Variants in SPAG16 observed in about 807,000 individuals in gnomAD.
SPAG16 encodes the protein sperm-associated antigen 16 protein.
Under a neutral mutation model 80.4 loss-of-function variants are expected in SPAG16, and 86 were observed. That is an observed-to-expected ratio of 1.07 (90% CI 0.90 to 1.28). The LOEUF is 1.28. SPAG16 is among the 50% of genes most tolerant of loss of function. SPAG16 has a pLI of 0.00. For synonymous variants in SPAG16, 294 were observed against 265.9 expected (o/e 1.11, Z -1.03); for missense variants, 870 against 765.3 (o/e 1.14, Z -1.61).
intron 15 of SPAG16, among the ~76,000 whole-genome samples, chr2:214,288,752 C>T (rs957598060): frequency 8.5e-5 from 12 of 141,468 alleles, no homozygotes; most frequent in Non-Finnish European, 1.4e-4. Flanking sequence ...CCTTTGCCCA[C>T]TTATTTATTT....
intron 10 of SPAG16, among the ~76,000 whole-genome samples, chr2:213,537,865 G>A (rs1447618550): frequency 6.6e-6 from 1 of 152,156 alleles, no homozygotes; most frequent in African/African-American, 2.4e-5. Flanking sequence ...GCTTCCTGAT[G>A]TTAACATACT....
Position 213,599,795 on chromosome 2 carries a change from G to A in SPAG16, c.1070+109705G>A, listed in dbSNP as rs564930328. Among the ~76,000 whole-genome samples, 31 of 152,242 alleles carry A rather than the reference G, an allele frequency of 2.0e-4. No homozygotes were observed. The Middle Eastern group carries it at 0.01, about 50-fold the overall frequency. ...CGGCTCACTGCAACTTCTGCCTCCT[G>A]GGTTCAAGCAATTCTCCTGCCTCAG... On this transcript the variant is annotated intron_variant, in intron 10 of 15. Transcript: ENST00000331683.
intron 13 of SPAG16, among the ~76,000 whole-genome samples, chr2:214,047,307 C>T (rs1212058923): frequency 2.0e-5 from 3 of 151,892 alleles, no homozygotes; most frequent in Non-Finnish European, 2.9e-5. Context: ...TTTGATTAAT[C>T]ATAACCAAAG....
At chr2:213,299,414 G>T (rs2062633367) in intron 3 of SPAG16, among the ~76,000 whole-genome samples, 1 of 149,636 alleles carries the variant, frequency 6.7e-6, no homozygotes, top group African/African-American at 2.5e-5. Flanking sequence ...GGGACTACAG[G>T]CACCTGCCAC....
At chr2:213,917,513 G>C (rs1278895212) in intron 11 of SPAG16, among the ~76,000 whole-genome samples, 1 of 152,062 alleles carries the variant, frequency 6.6e-6, no homozygotes, top group Non-Finnish European at 1.5e-5. Flanking sequence ...TGTATTCCTA[G>C]GTATTTTATT....
intron 7 of SPAG16, among the ~76,000 whole-genome samples, chr2:213,361,944 G>C (rs1488937433): frequency 6.6e-6 from 1 of 152,050 alleles, no homozygotes; most frequent in East Asian, 1.9e-4. Context: ...GACTGGCTTG[G>C]GGTTTTTATT....
At chr2:214,391,329 T>C (rs1430866920) in intron 15 of SPAG16, among the ~76,000 whole-genome samples, 1 of 152,146 alleles carries the variant, frequency 6.6e-6, no homozygotes, top group Non-Finnish European at 1.5e-5. Flanking sequence ...AATAAAAATA[T>C]TTTTGCTTCA....
chr2:213,953,687 T>C (rs1398886479), intron 12 of SPAG16, among the ~76,000 whole-genome samples: 4 of 152,064 alleles, frequency 2.6e-5, no homozygotes, highest in Admixed American at 1.3e-4. Flanking sequence ...ATTTTTTTAC[T>C]ATGTAAAGTA....
chr2:213,647,670 A>G (rs1050916168), intron 10 of SPAG16, among the ~76,000 whole-genome samples: 4 of 152,124 alleles, frequency 2.6e-5, no homozygotes, highest in South Asian at 2.1e-4. Flanking sequence ...CAAGCTCTGA[A>G]GGTCAGCCAG....
intron 15 of SPAG16, among the ~76,000 whole-genome samples, chr2:214,354,339 T>C (rs1349901581): frequency 6.6e-6 from 1 of 152,106 alleles, no homozygotes; most frequent in African/African-American, 2.4e-5. Context: ...GAGGGCTCTG[T>C]TCTGTTCCAT....
intron 15 of SPAG16, among the ~76,000 whole-genome samples, chr2:214,154,848 T>G (rs2056143015): frequency 6.6e-6 from 1 of 152,136 alleles, no homozygotes. Context: ...CAACCAGATT[T>G]ATTCCTAACC....
intron 10 of SPAG16, among the ~76,000 whole-genome samples, chr2:213,776,745 A>G (rs2556334): frequency 0.55 from 83,657 of 151,210 alleles, 23,466 homozygotes; most frequent in Middle Eastern, 0.63. Context: ...TTAGAGACTA[A>G]TATAGAGAAA....
intron 11 of SPAG16, among the ~76,000 whole-genome samples, chr2:213,887,755 C>A (rs1263100942): frequency 1.3e-5 from 2 of 151,518 alleles, no homozygotes; most frequent in Non-Finnish European, 3.0e-5. Flanking sequence ...CTATTTCCAG[C>A]TGCCAACATG....
At chr2:214,141,964 C>T (rs1199513549) in intron 14 of SPAG16, among the ~76,000 whole-genome samples, 1 of 152,134 alleles carries the variant, frequency 6.6e-6, no homozygotes, top group Non-Finnish European at 1.5e-5. Flanking sequence ...CCTTTGGATA[C>T]TGCTGTTCTG....
intron 10 of SPAG16, among the ~76,000 whole-genome samples, chr2:213,781,561 C>CT (rs1212594442): frequency 2.0e-5 from 3 of 152,066 alleles, no homozygotes; most frequent in Non-Finnish European, 4.4e-5. Flanking sequence ...TTACAAATGA[C>CT]TAAAAAGTCT....
At chr2:214,299,473 C>T (rs1694393604) in intron 15 of SPAG16, among the ~76,000 whole-genome samples, 1 of 151,904 alleles carries the variant, frequency 6.6e-6, no homozygotes, top group African/African-American at 2.4e-5. Flanking sequence ...TGGTCTTGAT[C>T]TCTTGACCTC....
At chr2:214,019,397 A>C (rs1352638530) in intron 13 of SPAG16, among the ~76,000 whole-genome samples, 1 of 152,156 alleles carries the variant, frequency 6.6e-6, no homozygotes, top group African/African-American at 2.4e-5. Context: ...AGTTGCTGAC[A>C]TTTTGTCTCT....
chr2:213,326,325 A>G (rs907383335), intron 5 of SPAG16, among the ~76,000 whole-genome samples: 8 of 152,172 alleles, frequency 5.3e-5, no homozygotes, highest in Non-Finnish European at 1.0e-4. Context: ...ATTTACTTCT[A>G]TAAAAGGTCA....
At chr2:213,560,590 T>A (rs1447525581) in intron 10 of SPAG16, among the ~76,000 whole-genome samples, 1 of 152,156 alleles carries the variant, frequency 6.6e-6, no homozygotes, top group Non-Finnish European at 1.5e-5. Flanking sequence ...TTCTTACATA[T>A]AGCTATTTTT....
Sources: allele counts gnomAD v4.1 joint callset (sites outside exome capture counted in the v4.1 genomes callset), GRCh38; gene constraint gnomAD v4.1.1; transcripts MANE v1.5; gene names NCBI Gene and HGNC (gene_info 2026-07-23, HGNC 2026-07-21).